The following FKBP10 variants were observed in gnomAD, a reference collection of about 807,000 sequenced individuals.
The protein encoded by FKBP10 is peptidyl-prolyl cis-trans isomerase FKBP10.
In FKBP10, 34 loss-of-function variants were observed where a neutral mutation model predicts 53.7. The ratio of observed to expected loss-of-function variants is 0.63; its 90% CI spans 0.48 to 0.84. The LOEUF is 0.84. Ranked by LOEUF, FKBP10 falls within the 40% of genes least tolerant of loss-of-function variation. FKBP10 has a pLI of 0.00. For missense variants in FKBP10, 748 were observed against 797.8 expected (o/e 0.94, Z 0.75); for synonymous variants, 324 against 335.7 (o/e 0.97, Z 0.38).
intron 2 of FKBP10, 146 bp downstream of exon 2, chr17:41,817,349 G>A (rs2047829847): frequency 8.8e-7 from 1 of 1,135,066 alleles, no homozygotes; most frequent in Non-Finnish European, 1.3e-6. Context: ...TGGCAGCTCT[G>A]GCTGGGGCAG....
At position 41,817,160 on chromosome 17, in the gene FKBP10, C is replaced by T. The variant is rs781936464; in HGVS notation, c.348C>T (p.Arg116=). ...LMGMCVNERR[R]LIVPPHLGYG... ...GCATGTGTGTCAACGAGCGGCGACG[C>T]CTCATTGTGCCTCCCCACCTGGGCT... is the stretch of plus-strand genomic sequence containing the variant. The change falls in exon 2 of 10, where the codon CGC becomes CGT. Residue 116 remains arginine, a synonymous_variant. Coordinates refer to ENST00000321562, the MANE Select transcript of FKBP10 (RefSeq NM_021939.4). 4 of 1,614,012 alleles carry T rather than the reference C, an allele frequency of 2.5e-6. No homozygotes were observed. The Admixed American group carries it at 6.7e-5, about 27-fold the overall frequency.
chr17:41,815,248 C>A (rs1464082615), intron 1 of FKBP10, among the ~76,000 whole-genome samples: 2 of 152,196 alleles, frequency 1.3e-5, no homozygotes, highest in Admixed American at 6.5e-5. Context: ...AGACATGCCA[C>A]CCCAGCCTCG....
At chr17:41,819,426 CG>C (rs782630430) in intron 5 of FKBP10, 27 bp downstream of exon 5, 21 of 744,422 alleles carry the variant, frequency 2.8e-5, no homozygotes, top group Middle Eastern at 2.7e-4. Context: ...GGTGGGAGGG[CG>C]GGGGCTGGGT....
intron 4 of FKBP10, chr17:41,818,848 G>A (rs781899490): frequency 2.4e-5 from 10 of 423,194 alleles, no homozygotes; most frequent in South Asian, 4.3e-5. Flanking sequence ...CCAGCTACTC[G>A]GAGAGGCTGA....
intron 9 of FKBP10, 121 bp downstream of exon 9, chr17:41,821,938 A>G: frequency 8.0e-7 from 1 of 1,247,386 alleles, no homozygotes; most frequent in Non-Finnish European, 1.1e-6. Flanking sequence ...GCCTGCGCTG[A>G]GTCCCACGCC....
chr17:41,817,089 G>T lies in FKBP10; in HGVS notation c.277G>T (p.Val93Leu). 1 of 1,614,110 alleles carries T rather than the reference G, an allele frequency of 6.2e-7. No individual in the cohort carries two copies. Among genetic ancestry groups the T allele is most frequent in the South Asian group, 1.1e-5 (1 of 91,090 alleles). ...TCGCAACACCTTGGTGGCCATCGTG[G>T]TGGGTGTGGGGCGCCTCATCACTGG... ...YDRNTLVAIV[V>L]GVGRLITGMD... The change falls in exon 2 of 10, where the codon GTG becomes TTG. Residue 93 changes from valine to leucine, a missense_variant. Val to Leu is a conservative substitution (Grantham distance 32). Coordinates refer to ENST00000321562, the MANE Select transcript of FKBP10 (RefSeq NM_021939.4).
rs2047893654 is a variant in FKBP10 at position 41,821,726 on chromosome 17, C to T, written c.1472C>T (p.Thr491Ile). Reference protein sequence around the residue: ...ELVSREDGLPTGYLFVWHKDP... With the variant: ...ELVSREDGLPIGYLFVWHKDP... The stretch of plus-strand genomic sequence containing the variant: ...GTGTCCCGGGAGGATGGGCTGCCCA[C>T]AGGCTACCTGTTTGTGTGGCACAAG... Residue 491 changes from threonine to isoleucine, a missense_variant, in exon 9 of 10, where the codon ACA (threonine) becomes ATA (isoleucine). Coordinates refer to ENST00000321562, the MANE Select transcript of FKBP10 (RefSeq NM_021939.4). 3.7e-6 allele frequency: 6 copies of T among 1,614,172 alleles called. No individual in the cohort carries two copies. Among genetic ancestry groups the T allele is most frequent in the Non-Finnish European group, 5.1e-6 (6 of 1,180,022 alleles).
chr17:41,820,654 G>C, intron 7 of FKBP10, 193 bp downstream of exon 7: 1 of 691,392 alleles, frequency 1.4e-6, no homozygotes, highest in Non-Finnish European at 2.4e-6. Flanking sequence ...CTTCGCAGGG[G>C]AAGGGAAGGT....
chr17:41,820,131 G>T, intron 6 of FKBP10, 138 bp from the exon 7 acceptor site: 2 of 1,243,038 alleles, frequency 1.6e-6, no homozygotes, highest in East Asian at 2.5e-5. Flanking sequence ...AATTGACTCT[G>T]GACAAACATC....
intron 6 of FKBP10, chr17:41,819,960 C>G (rs1555616744): frequency 6.5e-7 from 1 of 1,531,234 alleles, no homozygotes; most frequent in Admixed American, 2.0e-5. Context: ...CCCCCAGGAC[C>G]CAGCTGTGCT....
At chr17:41,818,955 CAAA>C (rs11431436) in intron 4 of FKBP10, 3,385 of 262,022 alleles carry the variant, frequency 0.013, no homozygotes, top group Middle Eastern at 0.021. Flanking sequence ...GACTCTGTCT[CAAA>C]AAAAAAAAAA....
chr17:41,820,235 C>G, intron 6 of FKBP10, 34 bp from the exon 7 acceptor site: 1 of 1,611,776 alleles, frequency 6.2e-7, no homozygotes, highest in Non-Finnish European at 8.5e-7. Flanking sequence ...TCCTAGTGCT[C>G]TGAGCTGACC....
chr17:41,813,362 C>T (rs1483499178), intron 1 of FKBP10, 83 bp downstream of exon 1: 4 of 1,579,308 alleles, frequency 2.5e-6, no homozygotes, highest in South Asian at 1.1e-5. Context: ...CTTTTAAGCT[C>T]TGCATCCCAA....
At position 41,818,256 on chromosome 17, in the gene FKBP10, G is replaced by A; in HGVS notation, c.559G>A (p.Asp187Asn). ...CTACCACTACAATGGCACCCTGCTGGACGGCACCTCCTTCGACACCAGGTG... is the reference window on the plus strand; with the variant it reads ...CTACCACTACAATGGCACCCTGCTGAACGGCACCTCCTTCGACACCAGGTG... Reference protein sequence around the residue: ...VRYHYNGTLLDGTSFDTSYSK... With the variant: ...VRYHYNGTLLNGTSFDTSYSK... Residue 187 changes from aspartate to asparagine, a missense_variant, in exon 3 of 10, where the codon GAC (aspartate) becomes AAC (asparagine). Asp to Asn is a conservative substitution (Grantham distance 23). Coordinates refer to ENST00000321562, the MANE Select transcript of FKBP10 (RefSeq NM_021939.4). The A allele has an allele frequency of 6.2e-7, 1 of 1,613,694 alleles. No individual in the cohort carries two copies. Among genetic ancestry groups the A allele is most frequent in the Non-Finnish European group, 8.5e-7 (1 of 1,180,032 alleles).
intron 4 of FKBP10, 22 bp from the exon 5 acceptor site, chr17:41,819,188 T>C: frequency 6.2e-7 from 1 of 1,613,736 alleles, no homozygotes; most frequent in African/African-American, 1.3e-5. Context: ...ATTTTATGGT[T>C]CAAGCCCTAT....
intron 1 of FKBP10, among the ~76,000 whole-genome samples, chr17:41,816,200 C>CA (rs2047813205): frequency 7.0e-6 from 1 of 142,304 alleles, no homozygotes; most frequent in South Asian, 2.3e-4. Flanking sequence ...TAAAAACAAA[C>CA]AAAAGCCATG....
At chr17:41,816,775 T>C (rs1258444176) in intron 1 of FKBP10, among the ~76,000 whole-genome samples, 2 of 152,192 alleles carry the variant, frequency 1.3e-5, no homozygotes, top group Admixed American at 6.5e-5. Context: ...GTAGCAGCCA[T>C]CAGGCCCGGG....
In FKBP10 at chr17:41,813,045, C is replaced by T. The variant is rs782748141; in HGVS notation, c.11C>T (p.Ala4Val). The T allele has an allele frequency of 1.2e-5, 20 of 1,609,818 alleles. No individual in the cohort carries two copies. The highest frequency in any genetic ancestry group is 1.7e-5 in the Non-Finnish European group (20 of 1,179,552). MFPAGPPSHSLLRL... is the reference protein window; with the variant it reads MFPVGPPSHSLLRL... The stretch of plus-strand genomic sequence containing the variant: ...CCAACTCCAGGCACCATGTTCCCCG[C>T]GGGCCCCCCCAGCCACAGCCTCCTC... The change falls in exon 1 of 10, where the codon GCG becomes GTG. Residue 4 changes from alanine (A) to valine (V), a missense_variant. Physicochemically the swap from Ala to Val is moderately conservative, Grantham distance 64. Coordinates refer to ENST00000321562, the MANE Select transcript of FKBP10 (RefSeq NM_021939.4).
In FKBP10 at chr17:41,814,456, G is replaced by T. The variant is rs548761546; in HGVS notation, c.245+1177G>T. Among the ~76,000 whole-genome samples, 40 of 152,312 alleles carry T rather than the reference G, an allele frequency of 2.6e-4. 1 individual carries two copies. The South Asian group carries it at 6.0e-3, about 23-fold the overall frequency. ...TCTCACAGGGCCTGGCAGTCCTCCAGCCAGTTCAGCACACATTAACATTGA... is the reference window on the plus strand; with the variant it reads ...TCTCACAGGGCCTGGCAGTCCTCCATCCAGTTCAGCACACATTAACATTGA... On this transcript the variant is annotated intron_variant, in intron 1 of 9. Coordinates refer to ENST00000321562, the MANE Select transcript of FKBP10 (RefSeq NM_021939.4).
Sources: gnomAD v4.1 joint callset for allele counts (sites outside exome capture counted in the v4.1 genomes callset) on GRCh38, gnomAD v4.1.1 for gene constraint, MANE v1.5 for transcripts, NCBI Gene and HGNC (gene_info 2026-07-23, HGNC 2026-07-21) for gene names.